GLIS3: variants seen among roughly 807,000 people sequenced by gnomAD.
GLIS3 encodes the protein GLIS family zinc finger 3, also known as zinc finger protein GLIS3.
Under a neutral mutation model 78.6 loss-of-function variants are expected in GLIS3, and 53 were observed. The ratio of observed to expected loss-of-function variants is 0.67; its 90% CI spans 0.54 to 0.85. The LOEUF (loss-of-function observed/expected upper bound fraction) is 0.85, where lower values mean the gene tolerates loss of function less well. Among genes scored for constraint, GLIS3 ranks in the 40% least tolerant of loss-of-function variants. GLIS3 has a pLI of 0.00. For missense variants in GLIS3, 1,703 were observed against 1,231.1 expected (o/e 1.38, Z -5.74); for synonymous variants, 684 against 509.9 (o/e 1.34, Z -4.60).
chr9:4,398,560 G>C, the GLIS3 span, among the ~76,000 whole-genome samples: 1 of 151,938 alleles, frequency 6.6e-6, no homozygotes, highest in Non-Finnish European at 1.5e-5. Flanking sequence ...CCCTGCTCCA[G>C]CTCAATTTAA....
At chr9:4,031,665 C>T (rs993615873) in intron 4 of GLIS3, among the ~76,000 whole-genome samples, 4 of 151,844 alleles carry the variant, frequency 2.6e-5, no homozygotes, top group African/African-American at 7.3e-5. Context: ...CTTAAAATGT[C>T]GAGAAAGATA....
At chr9:4,416,570 A>G in the GLIS3 span, among the ~76,000 whole-genome samples, 1 of 152,120 alleles carries the variant, frequency 6.6e-6, no homozygotes, top group Non-Finnish European at 1.5e-5. Context: ...ATTTCTTTCT[A>G]AATTTGGATC....
At chr9:4,316,038 C>A (rs1209972928) in intron 2 of GLIS3, among the ~76,000 whole-genome samples, 1 of 152,160 alleles carries the variant, frequency 6.6e-6, no homozygotes, top group Non-Finnish European at 1.5e-5. Flanking sequence ...GGGATGATCA[C>A]AATGGAAATT....
intron 7 of GLIS3, among the ~76,000 whole-genome samples, chr9:3,884,343 G>GTAAC (rs1270572858): frequency 2.0e-5 from 3 of 152,152 alleles, no homozygotes; most frequent in African/African-American, 7.2e-5. Context: ...GCATTGCTTG[G>GTAAC]TAACTGTGTT....
At chr9:4,304,012 T>C (rs927683659), upstream of GLIS3, among the ~76,000 whole-genome samples, 1 of 152,276 alleles carries the variant, frequency 6.6e-6, no homozygotes, top group Non-Finnish European at 1.5e-5. Flanking sequence ...TAACTTACTT[T>C]TCTTCATATG....
At chr9:4,198,911 G>A (rs1819110569) in intron 2 of GLIS3, among the ~76,000 whole-genome samples, 1 of 152,138 alleles carries the variant, frequency 6.6e-6, no homozygotes, top group East Asian at 1.9e-4. Flanking sequence ...TCAATTTTCA[G>A]CATTCTTAAA....
At chr9:4,045,527 ATGGGTTTCACCATGT>A (rs1228556058) in intron 4 of GLIS3, among the ~76,000 whole-genome samples, 1 of 150,160 alleles carries the variant, frequency 6.7e-6, no homozygotes, top group Admixed American at 6.6e-5. Context: ...TAAGGTAGAG[ATGGGTTTCACCATGT>A]TGGCCAGGCT....
At chr9:4,386,107 T>G in the GLIS3 span, among the ~76,000 whole-genome samples, 1 of 152,206 alleles carries the variant, frequency 6.6e-6, no homozygotes, top group South Asian at 2.1e-4. Flanking sequence ...GATTATTCCC[T>G]TTATTGTAAC....
At chr9:4,017,999 T>A (rs1306560506) in intron 4 of GLIS3, among the ~76,000 whole-genome samples, 2 of 152,150 alleles carry the variant, frequency 1.3e-5, no homozygotes, top group Non-Finnish European at 2.9e-5. Context: ...GCCCAGCCCC[T>A]TACTGGGGAA....
At chr9:4,300,788 T>C (rs1026515348), upstream of GLIS3, among the ~76,000 whole-genome samples, 12 of 151,880 alleles carry the variant, frequency 7.9e-5, no homozygotes, top group African/African-American at 2.9e-4. Flanking sequence ...AGTCTGCTCC[T>C]AGTAGTTCAT....
At chr9:4,373,689 A>G in the GLIS3 span, among the ~76,000 whole-genome samples, 12 of 147,210 alleles carry the variant, frequency 8.2e-5, no homozygotes, top group Non-Finnish European at 1.5e-4. Context: ...TTTTTTTGAG[A>G]CGGAGTCTTG....
At chr9:3,997,891 T>A (rs1346857622) in intron 4 of GLIS3, among the ~76,000 whole-genome samples, 1 of 151,686 alleles carries the variant, frequency 6.6e-6, no homozygotes, top group African/African-American at 2.4e-5. Context: ...ATATCAGGAT[T>A]AGAAAAAAAA....
intron 6 of GLIS3, among the ~76,000 whole-genome samples, chr9:3,907,895 GGT>G (rs1196438491): frequency 6.6e-6 from 1 of 152,090 alleles, no homozygotes; most frequent in Admixed American, 6.5e-5. Flanking sequence ...ACTCTGATTT[GGT>G]TCAAGAATGT....
At chr9:4,200,396 G>A (rs930717979) in intron 2 of GLIS3, among the ~76,000 whole-genome samples, 4 of 151,964 alleles carry the variant, frequency 2.6e-5, no homozygotes, top group Non-Finnish European at 4.4e-5. Flanking sequence ...AATCAGATTG[G>A]TAGACTACTA....
intron 4 of GLIS3, among the ~76,000 whole-genome samples, chr9:3,949,375 C>T (rs549174237): frequency 2.0e-5 from 3 of 152,222 alleles, no homozygotes; most frequent in East Asian, 1.9e-4. Context: ...AAAACAAATG[C>T]GGTATGCATC....
At chr9:4,290,706 G>C (rs1228894687) in intron 1 of GLIS3, among the ~76,000 whole-genome samples, 1 of 152,054 alleles carries the variant, frequency 6.6e-6, no homozygotes, top group Non-Finnish European at 1.5e-5. Context: ...CCTCAGAAAA[G>C]ACTGTATAAA....
chr9:4,398,536 T>A, the GLIS3 span, among the ~76,000 whole-genome samples: 1 of 152,086 alleles, frequency 6.6e-6, no homozygotes, highest in South Asian at 2.1e-4. Flanking sequence ...CTCCTTCTTC[T>A]TTCTTCTTCC....
At chr9:4,229,287 T>C (rs543810681) in intron 2 of GLIS3, among the ~76,000 whole-genome samples, 1 of 152,358 alleles carries the variant, frequency 6.6e-6, no homozygotes, top group Non-Finnish European at 1.5e-5. Context: ...CATGCGCACA[T>C]ACTTTCAAAA....
chr9:4,205,943 C>A (rs1374559065), intron 2 of GLIS3, among the ~76,000 whole-genome samples: 1 of 151,234 alleles, frequency 6.6e-6, no homozygotes, highest in Non-Finnish European at 1.5e-5. Flanking sequence ...AACAGGATTT[C>A]TTTTTTTTTA....
Sources: gnomAD v4.1 joint callset for allele counts (sites outside exome capture counted in the v4.1 genomes callset) on GRCh38, gnomAD v4.1.1 for gene constraint, MANE v1.5 for transcripts, NCBI Gene and HGNC (gene_info 2026-07-23, HGNC 2026-07-21) for gene names.